The following TUBGCP4 variants were observed in gnomAD, a reference collection of about 807,000 sequenced individuals.
TUBGCP4 encodes gamma-tubulin complex component 4.
TUBGCP4 carries 54 observed loss-of-function variants against 91.6 expected under a neutral mutation model. That is an observed-to-expected ratio of 0.59 (90% CI 0.47 to 0.74). TUBGCP4 has a LOEUF of 0.74. Among genes scored for constraint, TUBGCP4 ranks in the 30% least tolerant of loss-of-function variants. TUBGCP4 has a pLI of 0.00. For missense variants in TUBGCP4, 593 were observed against 800.9 expected, an observed-to-expected ratio of 0.74 and a Z score of 3.13; for synonymous variants, 297 against 302.8, an observed-to-expected ratio of 0.98 and a Z score of 0.20.
chr15:43,407,694 C>T lies in TUBGCP4; in HGVS notation c.*2480C>T, dbSNP rs2044956214. ...CAAACCAAAGCCCTATTATGTCAAA[C>T]ACACTGCTACTGATCATGACCAAAG... On this transcript the variant is annotated 3_prime_UTR_variant, in exon 18 of 18. Coordinates refer to ENST00000564079, the MANE Select transcript of TUBGCP4 (RefSeq NM_014444.5). 1.4e-5 allele frequency: 13 copies of T among 933,464 alleles called. No homozygotes were observed. The South Asian group carries it at 2.3e-4, about 16-fold the overall frequency. 57.8% of individuals were successfully genotyped at this position (933,464 alleles called of 1,614,324 possible).
chr15:43,409,612 G>C lies in TUBGCP4; in HGVS notation c.*4398G>C. 8.4e-7 allele frequency: 1 copy of C among 1,187,906 alleles called. No individual in the cohort carries two copies. The allele number at this position is 1,187,906 out of a possible 1,614,324, so 73.6% of individuals were successfully genotyped here. On this transcript the variant is annotated 3_prime_UTR_variant, in exon 18 of 18. Transcript: ENST00000564079. ...ACACAGCAAGTTGGCTCTTATCATTGCCACTATATTAGGTTACACAAAGAA... is the reference window on the plus strand; with the variant it reads ...ACACAGCAAGTTGGCTCTTATCATTCCCACTATATTAGGTTACACAAAGAA...
At chr15:43,398,992 C>T (rs572396939) in intron 13 of TUBGCP4, 68 of 342,504 alleles carry the variant, frequency 2.0e-4, no homozygotes, top group Non-Finnish European at 3.0e-4. Flanking sequence ...CTTATAATCC[C>T]TTATAATATC....
At chr15:43,403,547 G>A in intron 15 of TUBGCP4, 136 bp from the exon 16 acceptor site, 2 of 651,166 alleles carry the variant, frequency 3.1e-6, no homozygotes, top group Non-Finnish European at 5.4e-6. Flanking sequence ...CCTTGCACGT[G>A]GCAGTGTCTA....
At chr15:43,393,572 A>G (rs544863313) in intron 9 of TUBGCP4, among the ~76,000 whole-genome samples, 5 of 151,856 alleles carry the variant, frequency 3.3e-5, no homozygotes, top group East Asian at 1.9e-4. Context: ...CATTAGGTAT[A>G]TCTCCTAATG....
chr15:43,403,557 A>G (rs1372769093), intron 15 of TUBGCP4, 126 bp from the exon 16 acceptor site: 1 of 714,358 alleles, frequency 1.4e-6, no homozygotes, highest in East Asian at 2.6e-5. Flanking sequence ...GGCAGTGTCT[A>G]TCCTGTCAGA....
In TUBGCP4 at chr15:43,400,176, A is replaced by G. The variant is rs2044648919; in HGVS notation, c.1551A>G (p.Arg517=). The G allele has an allele frequency of 6.2e-7, 1 of 1,614,082 alleles. No individual in the cohort carries two copies. The highest frequency in any genetic ancestry group is 1.3e-5 in the African/African-American group (1 of 74,926). ...NQTDAIKWRL[R]NHMAFLVDNL... is the part of the protein sequence containing the mutation. ...CTGATGCAATCAAGTGGCGCCTAAG[A>G]AATCACATGGCATTTTTGGTGGATA... Residue 517 remains arginine (R), a synonymous_variant, in exon 14 of 18, where the codon AGA becomes AGG. Coordinates refer to ENST00000564079, the MANE Select transcript of TUBGCP4 (RefSeq NM_014444.5).
chr15:43,397,941 T>C (rs1207939007), intron 12 of TUBGCP4, 100 bp from the exon 13 acceptor site: 2 of 1,256,004 alleles, frequency 1.6e-6, no homozygotes, highest in Non-Finnish European at 2.2e-6. Context: ...TGAACTCCTG[T>C]GAGCTCTAGT....
At position 43,371,320 on chromosome 15, in the gene TUBGCP4, G is replaced by A. The variant is rs2044115443; in HGVS notation, c.-35G>A. On this transcript the variant is annotated 5_prime_UTR_variant, in exon 1 of 18. In the 5' UTR this introduces an upstream ATG that the reference lacks. Coordinates refer to ENST00000564079, the MANE Select transcript of TUBGCP4 (RefSeq NM_014444.5). ...GCCTGGAGGTGCGCTGGAGGAGGGG[G>A]TGACATAACCAGGGACTCGAGGTCC... 1 of 1,605,914 alleles carries A rather than the reference G, an allele frequency of 6.2e-7. No homozygotes were observed. Among genetic ancestry groups the A allele is most frequent in the Non-Finnish European group, 8.5e-7 (1 of 1,175,346 alleles).
At chr15:43,401,590 A>T in intron 14 of TUBGCP4, 126 bp from the exon 15 acceptor site, 1 of 1,000,972 alleles carries the variant, frequency 1.0e-6, no homozygotes, top group Non-Finnish European at 1.5e-6. Flanking sequence ...GGTCAGCCTT[A>T]ATGTGACTTG....
At chr15:43,392,190 G>GTT (rs1208820760) in intron 9 of TUBGCP4, among the ~76,000 whole-genome samples, 2 of 133,390 alleles carry the variant, frequency 1.5e-5, no homozygotes, top group Non-Finnish European at 3.3e-5. Context: ...CTTCCTTCGT[G>GTT]TTTTTTTTTT....
intron 1 of TUBGCP4, among the ~76,000 whole-genome samples, chr15:43,374,005 A>G (rs960947425): frequency 2.0e-5 from 3 of 152,212 alleles, no homozygotes; most frequent in Non-Finnish European, 4.4e-5. Context: ...TACTAACTTG[A>G]AGATGTGATT....
In TUBGCP4 at chr15:43,407,800, C is replaced by T. The variant is rs1026320118; in HGVS notation, c.*2586C>T. On this transcript the variant is annotated 3_prime_UTR_variant, in exon 18 of 18. Transcript: ENST00000564079. ...CCAGTGCTTCACTTATGTTGACTCA[C>T]CTCTTGAAGGTGGTACTTTTCTTCT... The T allele has an allele frequency of 1.3e-5, 12 of 893,530 alleles. No individual in the cohort carries two copies. Among genetic ancestry groups the T allele is most frequent in the Non-Finnish European group, 1.9e-5 (11 of 585,408 alleles). 55.4% of individuals were successfully genotyped at this position (893,530 alleles called of 1,614,324 possible). A position where few individuals can be genotyped will look rare whatever the true frequency, so the allele number is the denominator to read the frequency against.
Position 43,409,410 on chromosome 15 carries a change from ATCT to A in TUBGCP4, c.*4201_*4203del, listed in dbSNP as rs2045037706. 1 of 536,952 alleles carries A rather than the reference ATCT, an allele frequency of 1.9e-6. No individual in the cohort carries two copies. The highest frequency in any genetic ancestry group is 3.3e-6 in the Non-Finnish European group (1 of 304,000). 33.3% of individuals were successfully genotyped at this position (536,952 alleles called of 1,614,324 possible). ...TTTCTACTACTAAACATAAACATCA[ATCT>A]TCTTTTGTCCCAGCAACAGAACCAT... On this transcript the variant is annotated 3_prime_UTR_variant, in exon 18 of 18. Coordinates refer to ENST00000564079, the MANE Select transcript of TUBGCP4 (RefSeq NM_014444.5).
In TUBGCP4 at chr15:43,400,074, T is replaced by C. The variant is rs776067497; in HGVS notation, c.1449T>C (p.Ser483=). The change falls in exon 14 of 18, where the codon AGT becomes AGC. Residue 483 remains serine (S), a synonymous_variant. Coordinates refer to ENST00000564079, the MANE Select transcript of TUBGCP4 (RefSeq NM_014444.5). ...ATGTTGTTTTTAAGTACTTACTGAGTGTGCGCCGGGTGCAAGCTGAGCTGC... is the reference window on the plus strand; with the variant it reads ...ATGTTGTTTTTAAGTACTTACTGAGCGTGCGCCGGGTGCAAGCTGAGCTGC... ...KYNVVFKYLL[S]VRRVQAELQH... is the part of the protein sequence containing the mutation. 5 of 1,613,840 alleles carry C rather than the reference T, an allele frequency of 3.1e-6. No homozygotes were observed. The highest frequency in any genetic ancestry group is 1.1e-5 in the South Asian group (1 of 91,074).
At position 43,395,093 on chromosome 15, in the gene TUBGCP4, GGTT is replaced by G. The variant is rs1438627867; in HGVS notation, c.1015-10_1015-8del. ...TAATGAAATTTGTCCCTGTTTTGTT[GGTT>G]GTTTTCATAGCATCTCTGGAAGTTG... On this transcript the variant is annotated splice_polypyrimidine_tract_variant and intron_variant, in intron 9 of 17. Transcript: ENST00000564079. 6.8e-6 allele frequency: 11 copies of G among 1,613,888 alleles called. No homozygotes were observed. The highest frequency in any genetic ancestry group is 9.3e-6 in the Non-Finnish European group (11 of 1,179,958).
chr15:43,394,961 A>C, intron 9 of TUBGCP4, 146 bp from the exon 10 acceptor site: 1 of 800,500 alleles, frequency 1.2e-6, no homozygotes, highest in Non-Finnish European at 2.2e-6. Context: ...GAATGGAATA[A>C]TACATTGATT....
At chr15:43,401,451 CA>C (rs34185848) in intron 14 of TUBGCP4, among the ~76,000 whole-genome samples, 178 of 112,654 alleles carry the variant, frequency 1.6e-3, no homozygotes, top group Admixed American at 2.3e-3. Context: ...GACTCCGTCT[CA>C]AAAAAAAAAA....
rs1362937869 is a variant in TUBGCP4 at position 43,405,720 on chromosome 15, A to G, written c.*506A>G. ...AATTTATACCTACACAGATTGGGCA[A>G]TTCTAGCTAATGAAAATATACTTAA... On this transcript the variant is annotated 3_prime_UTR_variant, in exon 18 of 18. Transcript: ENST00000564079. The G allele has an allele frequency of 6.5e-6, 1 of 153,140 alleles. No individual in the cohort carries two copies. Among genetic ancestry groups the G allele is most frequent in the Non-Finnish European group, 1.5e-5 (1 of 68,790 alleles). 9.5% of individuals were successfully genotyped at this position (153,140 alleles called of 1,614,324 possible). A position where few individuals can be genotyped will look rare whatever the true frequency, so the allele number is the denominator to read the frequency against.
At chr15:43,403,928 C>A (rs978480095) in intron 16 of TUBGCP4, 129 bp downstream of exon 16, 3 of 672,752 alleles carry the variant, frequency 4.5e-6, no homozygotes, top group South Asian at 1.8e-5. Context: ...AGATAAGATA[C>A]AAAGATAAAA....
Sources: allele counts gnomAD v4.1 joint callset (sites outside exome capture counted in the v4.1 genomes callset), GRCh38; gene constraint gnomAD v4.1.1; transcripts MANE v1.5; gene names NCBI Gene and HGNC (gene_info 2026-07-23, HGNC 2026-07-21).